CD84: variants seen among roughly 807,000 people sequenced by gnomAD.
CD84 encodes SLAM family member 5.
CD84 carries 22 observed loss-of-function variants against 33.8 expected under a neutral mutation model. That is an observed-to-expected ratio of 0.65 (90% CI 0.46 to 0.93). CD84 has a LOEUF of 0.93. Among genes scored for constraint, CD84 ranks in the 40% least tolerant of loss-of-function variants. CD84 has a pLI of 0.00. For synonymous variants in CD84, 154 were observed against 145.2 expected (o/e 1.06, Z -0.44); for missense variants, 400 against 397.6 (o/e 1.01, Z -0.05).
chr1:160,560,962 G>A (rs1312368852), intron 2 of CD84, among the ~76,000 whole-genome samples: 1 of 152,022 alleles, frequency 6.6e-6, no homozygotes, highest in African/African-American at 2.4e-5. Context: ...TTGAATTTTT[G>A]AACAGACCAA....
chr1:160,550,349 C>A (rs573566901), intron 5 of CD84, among the ~76,000 whole-genome samples: 86 of 152,066 alleles, frequency 5.7e-4, no homozygotes, highest in African/African-American at 1.9e-3. Context: ...CTCAGTCTCC[C>A]CCTTGATTCC....
At chr1:160,553,616 G>C in intron 3 of CD84, 119 bp from the exon 4 acceptor site, 1 of 1,223,380 alleles carries the variant, frequency 8.2e-7, no homozygotes, top group Non-Finnish European at 1.2e-6. Context: ...GAGTGCCAAA[G>C]CTCCTAGGGA....
intron 6 of CD84, 147 bp downstream of exon 6, chr1:160,549,770 A>T (rs1176871557): frequency 1.4e-6 from 1 of 710,376 alleles, no homozygotes; most frequent in African/African-American, 1.7e-5. Flanking sequence ...GGGTGGAAGT[A>T]CATATAGACC....
At chr1:160,548,649 G>C (rs1386518015) in intron 6 of CD84, among the ~76,000 whole-genome samples, 1 of 152,122 alleles carries the variant, frequency 6.6e-6, no homozygotes, top group Non-Finnish European at 1.5e-5. Context: ...TGCATTCCTT[G>C]TTCCTAGTTG....
intron 4 of CD84, among the ~76,000 whole-genome samples, chr1:160,552,447 T>C (rs1024986312): frequency 2.0e-5 from 3 of 152,220 alleles, no homozygotes; most frequent in African/African-American, 7.2e-5. Flanking sequence ...TACTGGGAAT[T>C]GGGCCAAGTA....
Position 160,543,011 on chromosome 1 carries a change from TAC to T in CD84, c.*5243_*5244del, listed in dbSNP as rs1211754331. ...TTTGTGATTTTTAGTAGTGGAAATTTACAGTTTCTCTTATTTTATATTAACTC... is the reference window on the plus strand; with the variant it reads ...TTTGTGATTTTTAGTAGTGGAAATTTAGTTTCTCTTATTTTATATTAACTC... On this transcript the variant is annotated 3_prime_UTR_variant, in exon 7 of 7. Coordinates refer to ENST00000368054, the MANE Select transcript of CD84 (RefSeq NM_003874.4). The T allele has an allele frequency of 6.6e-6, 1 of 152,152 alleles. No homozygotes were observed. Among genetic ancestry groups the T allele is most frequent in the African/African-American group, 2.4e-5 (1 of 41,420 alleles). 9.4% of individuals were successfully genotyped at this position (152,152 alleles called of 1,614,324 possible).
chr1:160,549,025 C>A (rs533820810), intron 6 of CD84, among the ~76,000 whole-genome samples: 2 of 152,072 alleles, frequency 1.3e-5, no homozygotes, highest in Admixed American at 6.6e-5. Flanking sequence ...CCTCATTCCT[C>A]CCCTTCTTTT....
intron 4 of CD84, 70 bp downstream of exon 4, chr1:160,553,308 G>T: frequency 6.2e-7 from 1 of 1,612,976 alleles, no homozygotes; most frequent in South Asian, 1.1e-5. Context: ...GCTAAACCTT[G>T]GATAAATGGC....
At chr1:160,553,568 C>T (rs1410053537) in intron 3 of CD84, 71 bp from the exon 4 acceptor site, 20 of 1,548,424 alleles carry the variant, frequency 1.3e-5, no homozygotes, top group Non-Finnish European at 1.8e-5. Flanking sequence ...GGTTTGCCCA[C>T]AGTCAGGGGC....
chr1:160,565,461 T>G lies in CD84; in HGVS notation c.331A>C (p.Ile111Leu). ...GTGTAGGGATCAGCCTGTGTATTTA[T>G]GTCTGCTTTGTAGTCTCCTGCGTCT... ...MEDAGDYKAD[I>L]NTQADPYTTT... is the part of the protein sequence containing the mutation. Residue 111 changes from isoleucine to leucine, a missense_variant, in exon 2 of 7, where the codon ATA becomes CTA. Coordinates refer to ENST00000368054, the MANE Select transcript of CD84 (RefSeq NM_003874.4). 2 of 1,613,948 alleles carry G rather than the reference T, an allele frequency of 1.2e-6. No homozygotes were observed. Among genetic ancestry groups the G allele is most frequent in the Non-Finnish European group, 1.7e-6 (2 of 1,179,876 alleles).
chr1:160,571,414 A>ATGCCAC (rs1164380592), intron 1 of CD84: 1 of 152,176 alleles, frequency 6.6e-6, no homozygotes, highest in Non-Finnish European at 1.5e-5. Flanking sequence ...CTGATGTCTA[A>ATGCCAC]TGATTCAGCG....
intron 6 of CD84, 68 bp from the exon 7 acceptor site, chr1:160,548,389 G>A: frequency 6.5e-7 from 1 of 1,547,792 alleles, no homozygotes; most frequent in Non-Finnish European, 8.9e-7. Flanking sequence ...AGTCCTGCAA[G>A]TTCCCAGAGG....
At chr1:160,552,838 G>A in intron 4 of CD84, 1 of 832,464 alleles carries the variant, frequency 1.2e-6, no homozygotes, top group African/African-American at 1.7e-5. Context: ...GTGGACATGG[G>A]ATGTGGGTGA....
intron 1 of CD84, among the ~76,000 whole-genome samples, chr1:160,578,660 G>A (rs544263990): frequency 6.6e-6 from 1 of 152,282 alleles, no homozygotes; most frequent in Non-Finnish European, 1.5e-5. Flanking sequence ...CATGTACAAT[G>A]ACACAGCACT....
chr1:160,559,568 A>G (rs982368105), intron 2 of CD84, among the ~76,000 whole-genome samples: 1 of 152,192 alleles, frequency 6.6e-6, no homozygotes, highest in Non-Finnish European at 1.5e-5. Context: ...AAGCAACTAC[A>G]TAAACAAGTC....
intron 2 of CD84, among the ~76,000 whole-genome samples, chr1:160,559,613 T>A (rs1232451856): frequency 1.3e-5 from 2 of 152,068 alleles, no homozygotes; most frequent in Non-Finnish European, 2.9e-5. Flanking sequence ...GATGACACGA[T>A]CAAATTCACA....
chr1:160,561,636 C>T (rs1656974685), intron 2 of CD84, among the ~76,000 whole-genome samples: 1 of 152,074 alleles, frequency 6.6e-6, no homozygotes, highest in Non-Finnish European at 1.5e-5. Flanking sequence ...CACTCCTATT[C>T]AACATAGTAT....
intron 2 of CD84, among the ~76,000 whole-genome samples, chr1:160,561,054 CCAGA>C (rs1656924026): frequency 6.6e-6 from 1 of 152,002 alleles, no homozygotes; most frequent in Admixed American, 6.6e-5. Flanking sequence ...AAAGCCAGGA[CCAGA>C]CAGATTCACA....
intron 2 of CD84, among the ~76,000 whole-genome samples, chr1:160,563,337 G>A (rs1445164579): frequency 6.6e-6 from 1 of 152,092 alleles, no homozygotes; most frequent in African/African-American, 2.4e-5. Context: ...CTAAGATATG[G>A]AATCAACCCA....
Sources: allele counts gnomAD v4.1 joint callset (sites outside exome capture counted in the v4.1 genomes callset), GRCh38; gene constraint gnomAD v4.1.1; transcripts MANE v1.5; gene names NCBI Gene and HGNC (gene_info 2026-07-23, HGNC 2026-07-21).